The following PEX5L variants were observed in gnomAD, a reference collection of about 807,000 sequenced individuals.
PEX5L encodes PEX5-related protein.
A neutral mutation model predicts 84.0 loss-of-function variants in PEX5L; 30 were observed. The ratio of observed to expected loss-of-function variants is 0.36; its 90% CI spans 0.27 to 0.48. PEX5L has a LOEUF of 0.48. Among genes scored for constraint, PEX5L ranks in the 20% least tolerant of loss-of-function variants. The probability of loss-of-function intolerance (pLI) is 0.99; values close to 1 mark genes in which losing one functional copy is unlikely to be tolerated. For synonymous variants in PEX5L, 270 were observed against 283.1 expected (o/e 0.95, Z 0.46); for missense variants, 533 against 754.6 (o/e 0.71, Z 3.44).
At chr3:179,835,729 T>G (rs1364230311) in intron 8 of PEX5L, among the ~76,000 whole-genome samples, 1 of 152,220 alleles carries the variant, frequency 6.6e-6, no homozygotes, top group African/African-American at 2.4e-5. Flanking sequence ...ACGATAAACA[T>G]GCTCTATTTT....
intron 1 of PEX5L, among the ~76,000 whole-genome samples, chr3:179,981,604 T>C (rs1786337615): frequency 6.6e-6 from 1 of 152,150 alleles, no homozygotes; most frequent in East Asian, 1.9e-4. Flanking sequence ...TAGCAGAGTA[T>C]GGGCCTACAA....
chr3:180,034,094 T>C (rs1791687919), intron 1 of PEX5L, among the ~76,000 whole-genome samples: 1 of 151,954 alleles, frequency 6.6e-6, no homozygotes, highest in Non-Finnish European at 1.5e-5. Context: ...ACCACAGGAG[T>C]TTTAAATTAG....
At chr3:179,957,012 A>G (rs1780748084) in intron 2 of PEX5L, among the ~76,000 whole-genome samples, 1 of 152,206 alleles carries the variant, frequency 6.6e-6, no homozygotes, top group Non-Finnish European at 1.5e-5. Flanking sequence ...CTGGAAAAAA[A>G]TTGCCTAAGG....
rs567679609 is a variant in PEX5L at position 179,807,793 on chromosome 3, C to T, written c.1557G>A (p.Ala519=). The T allele has an allele frequency of 3.7e-6, 6 of 1,613,896 alleles. No homozygotes were observed. The highest frequency in any genetic ancestry group is 4.5e-5 in the East Asian group (2 of 44,898). Residue 519 remains alanine (A), a synonymous_variant, in exon 14 of 15, where the codon GCG becomes GCA. Transcript: ENST00000467460. ...CGGCTTCCTCGCTGCGGTCTCCGTT[C>T]GCCAAGGTCGCCCCGAGGCGGTTCC... ...SLWNRLGATL[A]NGDRSEEAVE... is the part of the protein sequence containing the mutation.
intron 1 of PEX5L, among the ~76,000 whole-genome samples, chr3:179,981,306 GT>G (rs1231116539): frequency 3.3e-5 from 5 of 152,222 alleles, no homozygotes; most frequent in African/African-American, 1.2e-4. Context: ...AAGCAAGAGA[GT>G]GACGTTATCA....
intron 1 of PEX5L, among the ~76,000 whole-genome samples, chr3:179,985,351 G>A (rs928625448): frequency 6.6e-6 from 1 of 152,112 alleles, no homozygotes; most frequent in Non-Finnish European, 1.5e-5. Flanking sequence ...TAGAAGAATG[G>A]CATATGCAAA....
intron 7 of PEX5L, among the ~76,000 whole-genome samples, chr3:179,865,511 CT>C (rs56886685): frequency 0.017 from 2,444 of 141,478 alleles, 48 homozygotes; most frequent in African/African-American, 0.051. Flanking sequence ...TCAATGCAAA[CT>C]TTTTTTTTTT....
chr3:179,827,897 CT>C (rs1731130681), intron 8 of PEX5L, among the ~76,000 whole-genome samples: 1 of 152,196 alleles, frequency 6.6e-6, no homozygotes. Context: ...CTTTTCTCAA[CT>C]AGGCTTCAAT....
At chr3:179,811,099 C>T (rs988245349) in intron 11 of PEX5L, among the ~76,000 whole-genome samples, 1 of 151,912 alleles carries the variant, frequency 6.6e-6, no homozygotes, top group Non-Finnish European at 1.5e-5. Context: ...ATTGTAAAGC[C>T]CTAGAATTGC....
In PEX5L at chr3:179,797,748, T is replaced by C. The variant is rs1717621565; in HGVS notation, c.*4080A>G. The C allele has an allele frequency of 6.6e-6, 1 of 151,882 alleles. No homozygotes were observed. The highest frequency in any genetic ancestry group is 1.5e-5 in the Non-Finnish European group (1 of 67,952). The allele number at this position is 151,882 out of a possible 1,614,324, so 9.4% of individuals were successfully genotyped here. A position where few individuals can be genotyped will look rare whatever the true frequency, so the allele number is the denominator to read the frequency against. ...TGAATTTGAAATTATTTTACAAGGT[T>C]GAAATCATAAGTGTGCACGTGTAAT... On this transcript the variant is annotated 3_prime_UTR_variant, in exon 15 of 15. Transcript: ENST00000467460.
At position 179,797,606 on chromosome 3, in the gene PEX5L, ATAT is replaced by A. The variant is rs139631920; in HGVS notation, c.*4219_*4221del. ...ACACTCTTTAAAAAAAAAAAAAAAA[ATAT>A]ATATATATATATATATATATATCTA... On this transcript the variant is annotated 3_prime_UTR_variant, in exon 15 of 15. Transcript: ENST00000467460. The A allele has an allele frequency of 5.7e-3, 456 of 80,164 alleles. 2 individuals are homozygous for A. The highest frequency in any genetic ancestry group is 6.5e-3 in the Non-Finnish European group (262 of 40,132). 5.0% of individuals were successfully genotyped at this position (80,164 alleles called of 1,614,324 possible). A position where few individuals can be genotyped will look rare whatever the true frequency, so the allele number is the denominator to read the frequency against.
chr3:179,946,626 C>T (rs1777622566), intron 2 of PEX5L, among the ~76,000 whole-genome samples: 1 of 152,146 alleles, frequency 6.6e-6, no homozygotes, highest in Admixed American at 6.5e-5. Flanking sequence ...GTTTCAATGG[C>T]TACTCAAAAA....
chr3:179,795,884 C>T lies in PEX5L; in HGVS notation c.*5944G>A, dbSNP rs1292615503. ...TTTAATAAATTAATCAGTTTTTTTT[C>T]AACCAATGTAAACAAATTTGGGCAA... On this transcript the variant is annotated 3_prime_UTR_variant, in exon 15 of 15. Coordinates refer to ENST00000467460, the MANE Select transcript of PEX5L (RefSeq NM_016559.3). 6.6e-6 allele frequency: 1 copy of T among 151,502 alleles called. No homozygotes were observed. Among genetic ancestry groups the T allele is most frequent in the Non-Finnish European group, 1.5e-5 (1 of 67,858 alleles). 9.4% of individuals were successfully genotyped at this position (151,502 alleles called of 1,614,324 possible). A position where few individuals can be genotyped will look rare whatever the true frequency, so the allele number is the denominator to read the frequency against.
chr3:179,904,103 G>T (rs1762326893), intron 2 of PEX5L, among the ~76,000 whole-genome samples: 1 of 152,186 alleles, frequency 6.6e-6, no homozygotes, highest in Non-Finnish European at 1.5e-5. Context: ...TCAAGTTGCA[G>T]AAAAGAAATT....
intron 13 of PEX5L, 133 bp from the exon 14 acceptor site, chr3:179,807,964 T>C: frequency 1.3e-6 from 1 of 773,286 alleles, no homozygotes; most frequent in Non-Finnish European, 2.0e-6. Flanking sequence ...CATGGCCAGG[T>C]GAATTACTAA....
At chr3:180,031,719 C>G (rs1211536389) in intron 1 of PEX5L, among the ~76,000 whole-genome samples, 1 of 152,126 alleles carries the variant, frequency 6.6e-6, no homozygotes, top group East Asian at 1.9e-4. Context: ...ATGTTGGAAA[C>G]ATGTGATCTC....
intron 8 of PEX5L, among the ~76,000 whole-genome samples, chr3:179,850,884 A>C (rs1741577215): frequency 6.6e-6 from 1 of 152,222 alleles, no homozygotes. Context: ...CTAGAGATGG[A>C]TAATTTTCTT....
At chr3:179,928,072 T>C (rs1471116490) in intron 2 of PEX5L, among the ~76,000 whole-genome samples, 1 of 152,236 alleles carries the variant, frequency 6.6e-6, no homozygotes, top group Non-Finnish European at 1.5e-5. Flanking sequence ...CACTTTTATT[T>C]ATGTTAAGGT....
At chr3:179,926,746 G>A (rs1771567709) in intron 2 of PEX5L, among the ~76,000 whole-genome samples, 1 of 152,198 alleles carries the variant, frequency 6.6e-6, no homozygotes, top group Admixed American at 6.5e-5. Context: ...TTAGAGTAAT[G>A]CCTGTCACAT....
Sources: gnomAD v4.1 joint callset for allele counts (sites outside exome capture counted in the v4.1 genomes callset) on GRCh38, gnomAD v4.1.1 for gene constraint, MANE v1.5 for transcripts, NCBI Gene and HGNC (gene_info 2026-07-23, HGNC 2026-07-21) for gene names.